The following FOXN3 variants were observed in gnomAD, a reference collection of about 807,000 sequenced individuals.
The protein encoded by FOXN3 is forkhead box protein N3.
A neutral mutation model predicts 38.4 loss-of-function variants in FOXN3; 7 were observed. That is an observed-to-expected ratio of 0.18 (90% CI 0.10 to 0.34). The LOEUF (loss-of-function observed/expected upper bound fraction) is 0.34. Among genes scored for constraint, FOXN3 ranks in the 10% least tolerant of loss-of-function variants. FOXN3 has a pLI of 1.00. For missense variants in FOXN3, 456 were observed against 613.4 expected (o/e 0.74, Z 2.71); for synonymous variants, 230 against 242.2 (o/e 0.95, Z 0.47).
In FOXN3 at chr14:89,252,609, G is replaced by A. The variant is rs193056986; in HGVS notation, c.745+28341C>T. 9.4e-5 allele frequency among the ~76,000 whole-genome samples: 14 copies of A among 149,256 alleles called. No individual in the cohort carries two copies. The East Asian group carries it at 2.2e-3, about 23-fold the overall frequency. ...GCAGAGGTTGCAGTGAGCCGAGATCGTGCCATTGCACTCCAGCCTGGGCAA... is the reference window on the plus strand; with the variant it reads ...GCAGAGGTTGCAGTGAGCCGAGATCATGCCATTGCACTCCAGCCTGGGCAA... On this transcript the variant is annotated intron_variant, in intron 4 of 5. Transcript: ENST00000557258.
intron 4 of FOXN3, among the ~76,000 whole-genome samples, chr14:89,243,233 C>T (rs772605200): frequency 1.3e-5 from 2 of 152,218 alleles, no homozygotes; most frequent in Non-Finnish European, 2.9e-5. Flanking sequence ...GCAAAGCCTA[C>T]TTGCCAGATC....
chr14:89,392,602 C>T (rs1225751984), intron 2 of FOXN3, among the ~76,000 whole-genome samples: 5 of 150,676 alleles, frequency 3.3e-5, no homozygotes, highest in African/African-American at 9.7e-5. Context: ...CACACTCACA[C>T]GGTGCTCTCC....
chr14:89,540,670 G>A (rs182882859), intron 1 of FOXN3, among the ~76,000 whole-genome samples: 120 of 151,708 alleles, frequency 7.9e-4, no homozygotes, highest in Middle Eastern at 6.8e-3. Flanking sequence ...ACTGGGAGGC[G>A]GAGGCTGTAG....
At chr14:89,277,722 A>G (rs1244521072) in intron 4 of FOXN3, among the ~76,000 whole-genome samples, 1 of 152,212 alleles carries the variant, frequency 6.6e-6, no homozygotes, top group Admixed American at 6.5e-5. Context: ...CGATTTGACA[A>G]TGAAAACTGG....
At chr14:89,482,976 G>A (rs1488484994) in intron 1 of FOXN3, among the ~76,000 whole-genome samples, 2 of 151,570 alleles carry the variant, frequency 1.3e-5, no homozygotes, top group African/African-American at 4.9e-5. Context: ...GGGAGACCAA[G>A]GTGGATAGAT....
chr14:89,571,099 T>C (rs553686864), intron 1 of FOXN3, among the ~76,000 whole-genome samples: 1 of 152,294 alleles, frequency 6.6e-6, no homozygotes, highest in Non-Finnish European at 1.5e-5. Context: ...ACCTACAGAC[T>C]CTTACTTTGA....
chr14:89,200,028 C>T (rs1043652519), intron 4 of FOXN3, among the ~76,000 whole-genome samples: 7 of 152,042 alleles, frequency 4.6e-5, no homozygotes, highest in Non-Finnish European at 8.8e-5. Context: ...CCATGGATAC[C>T]CAACGGATGA....
intron 3 of FOXN3, among the ~76,000 whole-genome samples, chr14:89,348,756 G>A (rs1420859096): frequency 1.3e-5 from 2 of 150,212 alleles, no homozygotes; most frequent in East Asian, 3.8e-4. Flanking sequence ...CAAAAGCTCT[G>A]GTTCATCTGC....
In FOXN3 at chr14:89,196,492, G is replaced by T. The variant is rs767249696; in HGVS notation, c.746-15686C>A. On this transcript the variant is annotated intron_variant, in intron 4 of 5. Coordinates refer to ENST00000557258, the MANE Select transcript of FOXN3 (RefSeq NM_005197.4). Reference sequence around the variant, plus strand: ...CTGCAGACTTGGAAGGGGCCGGTTTGGTTTTTCATCCCTTTCCACATAGTT... The same window carrying T: ...CTGCAGACTTGGAAGGGGCCGGTTTTGTTTTTCATCCCTTTCCACATAGTT... Among the ~76,000 whole-genome samples, 7 of 152,130 alleles carry T rather than the reference G, an allele frequency of 4.6e-5. 1 individual carries two copies. The highest frequency in any genetic ancestry group is 6.3e-3 in the Middle Eastern group (2 of 316).
In FOXN3 at chr14:89,276,178, C is replaced by G. The variant is rs993149785; in HGVS notation, c.745+4772G>C. On this transcript the variant is annotated intron_variant, in intron 4 of 5. Transcript: ENST00000557258. Reference sequence around the variant, plus strand: ...CCTGTAATCCCAGCTACTTGGAAGGCTGAGGCAGAAGAATCACTTGAACCC... The same window carrying G: ...CCTGTAATCCCAGCTACTTGGAAGGGTGAGGCAGAAGAATCACTTGAACCC... Among the ~76,000 whole-genome samples, 23 of 152,088 alleles carry G rather than the reference C, an allele frequency of 1.5e-4. 1 individual carries two copies. Among genetic ancestry groups the G allele is most frequent in the African/African-American group, 5.3e-4 (22 of 41,402 alleles).
At chr14:89,566,746 T>C (rs1057174041) in intron 1 of FOXN3, among the ~76,000 whole-genome samples, 4 of 143,364 alleles carry the variant, frequency 2.8e-5, no homozygotes, top group African/African-American at 1.0e-4. Context: ...AGCCTGTGGC[T>C]TTACCATTCC....
intron 1 of FOXN3, among the ~76,000 whole-genome samples, chr14:89,549,193 T>C (rs1894949240): frequency 6.6e-6 from 1 of 151,762 alleles, no homozygotes; most frequent in South Asian, 2.1e-4. Context: ...ATTAAATTCT[T>C]ACTCATGTGT....
chr14:89,560,355 G>A (rs1328729465), intron 1 of FOXN3, among the ~76,000 whole-genome samples: 5 of 152,112 alleles, frequency 3.3e-5, no homozygotes, highest in East Asian at 1.9e-4. Flanking sequence ...GCCAGGCTGC[G>A]GCCATGTACA....
chr14:89,506,214 C>T (rs1331049080), intron 1 of FOXN3, among the ~76,000 whole-genome samples: 1 of 77,038 alleles, frequency 1.3e-5, no homozygotes, highest in Admixed American at 1.5e-4. Flanking sequence ...TCTGCCCGGC[C>T]GCCTCTACTG....
intron 4 of FOXN3, among the ~76,000 whole-genome samples, chr14:89,211,085 A>G (rs532959754): frequency 1.7e-4 from 26 of 152,334 alleles, no homozygotes; most frequent in African/African-American, 5.8e-4. Flanking sequence ...AATTCATCCA[A>G]TTCTTTAAAA....
intron 1 of FOXN3, among the ~76,000 whole-genome samples, chr14:89,571,207 G>A (rs1895481244): frequency 6.6e-6 from 1 of 152,010 alleles, no homozygotes; most frequent in African/African-American, 2.4e-5. Context: ...GAGAGTGATT[G>A]CAATGAAAGG....
chr14:89,479,078 T>C (rs1205498035), intron 1 of FOXN3, among the ~76,000 whole-genome samples: 1 of 152,082 alleles, frequency 6.6e-6, no homozygotes, highest in Non-Finnish European at 1.5e-5. Context: ...ATCATGCAGC[T>C]GAAAGAGGAA....
chr14:89,452,569 G>A (rs1892634677), intron 1 of FOXN3, among the ~76,000 whole-genome samples: 1 of 152,188 alleles, frequency 6.6e-6, no homozygotes, highest in Admixed American at 6.5e-5. Context: ...CGTTTTGATG[G>A]GAGCTCAGCT....
At chr14:89,559,499 A>T (rs1895202535) in intron 1 of FOXN3, among the ~76,000 whole-genome samples, 1 of 150,730 alleles carries the variant, frequency 6.6e-6, no homozygotes, top group Admixed American at 6.6e-5. Context: ...AATATGGTGA[A>T]ACCCCATCTC....
Sources: gnomAD v4.1 joint callset for allele counts (sites outside exome capture counted in the v4.1 genomes callset) on GRCh38, gnomAD v4.1.1 for gene constraint, MANE v1.5 for transcripts, NCBI Gene and HGNC (gene_info 2026-07-23, HGNC 2026-07-21) for gene names.